Variants in DOCK1 observed in about 807,000 individuals in gnomAD.
DOCK1 encodes the protein dedicator of cytokinesis protein 1.
A neutral mutation model predicts 262.7 loss-of-function variants in DOCK1; 138 were observed. The ratio of observed to expected loss-of-function variants is 0.53; its 90% CI spans 0.46 to 0.61. The LOEUF (loss-of-function observed/expected upper bound fraction) is 0.61. DOCK1 is among the 20% of genes least tolerant of loss of function. The pLI is 0.00. For missense variants in DOCK1, 1,908 were observed against 2,370.7 expected (o/e 0.80, Z 4.05); for synonymous variants, 866 against 867.4 (o/e 1.00, Z 0.03).
At chr10:127,340,335 C>T (rs2063375481) in intron 30 of DOCK1, among the ~76,000 whole-genome samples, 1 of 152,174 alleles carries the variant, frequency 6.6e-6, no homozygotes, top group African/African-American at 2.4e-5. Context: ...GCAGGGATAA[C>T]TTTTAACTCA....
At chr10:127,374,864 C>T (rs12571503) in intron 35 of DOCK1, among the ~76,000 whole-genome samples, 3 of 152,218 alleles carry the variant, frequency 2.0e-5, no homozygotes, top group South Asian at 2.1e-4. Flanking sequence ...AGGATCCCCC[C>T]CTAGAGCTTT....
At chr10:126,982,689 A>C (rs2039070460) in intron 4 of DOCK1, among the ~76,000 whole-genome samples, 1 of 152,228 alleles carries the variant, frequency 6.6e-6, no homozygotes, top group South Asian at 2.1e-4. Flanking sequence ...TACTTTTAAC[A>C]TATGAAAAGA....
chr10:127,083,368 A>C (rs1248389795), intron 23 of DOCK1, among the ~76,000 whole-genome samples: 2 of 152,072 alleles, frequency 1.3e-5, no homozygotes, highest in African/African-American at 2.4e-5. Context: ...TTGGTGGGGC[A>C]TTGTCTGGTG....
intron 29 of DOCK1, among the ~76,000 whole-genome samples, chr10:127,303,983 C>T (rs1393415281): frequency 2.0e-5 from 3 of 152,214 alleles, no homozygotes; most frequent in African/African-American, 7.2e-5. Flanking sequence ...TCCCTCTGGG[C>T]CCCAGGGAAC....
At chr10:127,422,158 C>CTTTTTTTTTTTTTTTTTTTTT (rs35535729) in intron 46 of DOCK1, among the ~76,000 whole-genome samples, 7 of 61,386 alleles carry the variant, frequency 1.1e-4, no homozygotes, top group Admixed American at 2.2e-4. Flanking sequence ...TTTTGTTTGT[C>CTTTTTTTTTTTTTTTTTTTTT]TTTTTTTTTT....
intron 14 of DOCK1, among the ~76,000 whole-genome samples, chr10:127,023,990 C>T (rs2042640044): frequency 6.6e-6 from 1 of 152,208 alleles, no homozygotes; most frequent in Non-Finnish European, 1.5e-5. Context: ...TACCGGCGAT[C>T]ATGAAGATCT....
At position 126,995,652 on chromosome 10, in the gene DOCK1, G is replaced by C. The variant is rs920074080; in HGVS notation, c.474-1096G>C. Among the ~76,000 whole-genome samples, 2 of 139,978 alleles carry C rather than the reference G, an allele frequency of 1.4e-5. No homozygotes were observed. The highest frequency in any genetic ancestry group is 3.2e-5 in the Non-Finnish European group (2 of 61,972). The allele number at this position is 139,978 out of a possible 152,430, so 91.8% of individuals were successfully genotyped here. A position where few individuals can be genotyped will look rare whatever the true frequency, so the allele number is the denominator to read the frequency against. On this transcript the variant is annotated intron_variant, in intron 6 of 51. Coordinates refer to ENST00000623213, the MANE Select transcript of DOCK1 (RefSeq NM_001290223.2). The surrounding 1 kb of genome is among the most constrained non-coding windows in gnomAD (Gnocchi z 5.8). ...GTGGAGAGAGAGGGAGAGGGAGACC[G>C]TGGAGAGGGAGAGGGAGACCGTGGA...
intron 1 of DOCK1, among the ~76,000 whole-genome samples, chr10:126,914,216 T>C (rs2032204443): frequency 1.3e-5 from 2 of 152,088 alleles, no homozygotes; most frequent in Admixed American, 6.6e-5. Context: ...TTCTTATTGA[T>C]TGCTGGGGGG....
intron 24 of DOCK1, among the ~76,000 whole-genome samples, chr10:127,109,210 A>C (rs2048722107): frequency 6.6e-6 from 1 of 152,178 alleles, no homozygotes; most frequent in African/African-American, 2.4e-5. Context: ...CTGTTTTCCC[A>C]AAATATTGCT....
chr10:127,284,644 T>G (rs542791601), intron 29 of DOCK1, among the ~76,000 whole-genome samples: 1 of 152,194 alleles, frequency 6.6e-6, no homozygotes, highest in Admixed American at 6.5e-5. Flanking sequence ...CCCAACACTT[T>G]GGAAAGCCAG....
rs1485334624 is a variant in DOCK1, at chr10:127,433,317, C to T, written c.4949C>T (p.Pro1650Leu). The T allele has an allele frequency of 6.2e-7, 1 of 1,613,966 alleles. No homozygotes were observed. Among genetic ancestry groups the T allele is most frequent in the African/African-American group, 1.3e-5 (1 of 75,038 alleles). Reference protein sequence around the residue: ...SSLDDRRGSRPRSMVRSFTMP... With the variant: ...SSLDDRRGSRLRSMVRSFTMP... ...CTGGATGATAGAAGAGGCAGCCGCCCCCGGTCCATGGTGCGGTCCTTCACG... is the reference window on the plus strand; with the variant it reads ...CTGGATGATAGAAGAGGCAGCCGCCTCCGGTCCATGGTGCGGTCCTTCACG... The change falls in exon 48 of 52, where the codon CCC (proline) becomes CTC (leucine). Residue 1650 changes from proline to leucine, a missense_variant. Physicochemically the swap from Pro to Leu is moderately conservative, Grantham distance 98. Transcript: ENST00000623213.
At chr10:127,005,927 A>G (rs1041723841) in intron 10 of DOCK1, among the ~76,000 whole-genome samples, 10 of 152,206 alleles carry the variant, frequency 6.6e-5, no homozygotes, top group Non-Finnish European at 1.3e-4. Flanking sequence ...TATCTTTCTA[A>G]CAAACCTAGC....
chr10:127,389,467 T>C (rs762825763), intron 38 of DOCK1, among the ~76,000 whole-genome samples: 23 of 152,152 alleles, frequency 1.5e-4, no homozygotes, highest in Non-Finnish European at 3.1e-4. Flanking sequence ...AAAATACTTT[T>C]TAAATGGTCC....
At chr10:127,386,746 C>A (rs891814209) in intron 38 of DOCK1, among the ~76,000 whole-genome samples, 1 of 152,138 alleles carries the variant, frequency 6.6e-6, no homozygotes, top group East Asian at 1.9e-4. Flanking sequence ...ATGTAATGCC[C>A]GTGAATCATC....
chr10:126,928,119 C>G (rs923956146), intron 1 of DOCK1, among the ~76,000 whole-genome samples: 1 of 152,172 alleles, frequency 6.6e-6, no homozygotes, highest in East Asian at 1.9e-4. Flanking sequence ...GTTGGAGAAG[C>G]TGAAAAAATG....
chr10:127,401,980 C>T (rs1377350934), intron 38 of DOCK1, among the ~76,000 whole-genome samples: 1 of 152,158 alleles, frequency 6.6e-6, no homozygotes, highest in African/African-American at 2.4e-5. Context: ...TCCAAAGCTG[C>T]GTGGTTCCCC....
chr10:126,998,400 A>G, intron 8 of DOCK1, 151 bp downstream of exon 8: 14 of 1,054,500 alleles, frequency 1.3e-5, no homozygotes, highest in Non-Finnish European at 1.9e-5. Flanking sequence ...GCTGTCTTAG[A>G]CAGTGTGATG....
In DOCK1 at chr10:127,403,269, C is replaced by T. The variant is rs886194889; in HGVS notation, c.4017+125C>T. The T allele has an allele frequency of 3.9e-5, 34 of 880,520 alleles. No individual in the cohort carries two copies. The African/African-American group carries it at 5.6e-4, about 14-fold the overall frequency. The allele number at this position is 880,520 out of a possible 1,614,324, so 54.5% of individuals were successfully genotyped here. On this transcript the variant is annotated intron_variant, in intron 39 of 51. Transcript: ENST00000623213. ...ACTCTGGGACCTTGGCCATGTCCCT[C>T]CGTTTTGCCTAGGAAGATGGTTTTA...
At chr10:127,089,276 TTTGCTTC>T (rs1231327010) in intron 23 of DOCK1, among the ~76,000 whole-genome samples, 1 of 152,128 alleles carries the variant, frequency 6.6e-6, no homozygotes, top group African/African-American at 2.4e-5. Flanking sequence ...TCCTGTGGAC[TTTGCTTC>T]TTGCCCCTGT....
Sources: allele counts gnomAD v4.1 joint callset (sites outside exome capture counted in the v4.1 genomes callset), GRCh38; gene constraint gnomAD v4.1.1; non-coding constraint Gnocchi (gnomAD v3.1); transcripts MANE v1.5; gene names NCBI Gene and HGNC (gene_info 2026-07-23, HGNC 2026-07-21).